The following COG3 variants were observed in gnomAD, a reference collection of about 807,000 sequenced individuals.
The protein encoded by COG3 is conserved oligomeric Golgi complex subunit 3.
A neutral mutation model predicts 114.1 loss-of-function variants in COG3; 32 were observed. The observed-to-expected ratio is 0.28, with a 90% CI of 0.21 to 0.38. The LOEUF (loss-of-function observed/expected upper bound fraction) is 0.38, where lower values mean the gene tolerates loss of function less well. COG3 is among the 10% of genes least tolerant of loss of function. The pLI, the probability that COG3 is intolerant of heterozygous loss-of-function variation, is 1.00. For missense variants in COG3, 813 were observed against 973.2 expected (o/e 0.84, Z 2.19); for synonymous variants, 352 against 365.7 (o/e 0.96, Z 0.43).
intron 14 of COG3, among the ~76,000 whole-genome samples, chr13:45,505,219 T>C (rs758560166): frequency 2.0e-5 from 3 of 151,932 alleles, no homozygotes; most frequent in African/African-American, 4.8e-5. Context: ...AAATATCTTA[T>C]TAGTAATTTT....
Position 45,528,330 on chromosome 13 carries a change from A to G in COG3, c.2231-1461A>G, listed in dbSNP as rs538427207. ...TCTTTCACCACTTTACTTTTTTAAC[A>G]AACTTGCTTTTGCTTTATACTGTGG... On this transcript the variant is annotated intron_variant, in intron 20 of 22. Coordinates refer to ENST00000349995, the MANE Select transcript of COG3 (RefSeq NM_031431.4). Among the ~76,000 whole-genome samples the G allele has an allele frequency of 2.0e-5, 3 of 152,160 alleles. No homozygotes were observed. The South Asian group carries it at 6.2e-4, about 32-fold the overall frequency.
chr13:45,497,616 T>C (rs1255533459), intron 13 of COG3, among the ~76,000 whole-genome samples: 1 of 151,948 alleles, frequency 6.6e-6, no homozygotes, highest in Non-Finnish European at 1.5e-5. Flanking sequence ...AGAAACCCCA[T>C]CTCTACTAAA....
chr13:45,500,027 T>A (rs1055414083), intron 13 of COG3, among the ~76,000 whole-genome samples: 9 of 124,228 alleles, frequency 7.2e-5, no homozygotes, highest in African/African-American at 2.2e-4. Flanking sequence ...TAAAAAAAAA[T>A]ATATATATAT....
At chr13:45,476,627 C>G (rs562522643) in intron 2 of COG3, among the ~76,000 whole-genome samples, 2 of 152,262 alleles carry the variant, frequency 1.3e-5, no homozygotes, top group South Asian at 4.1e-4. Flanking sequence ...TTGACTTCCC[C>G]CAATGTCTGT....
chr13:45,509,270 C>T (rs1870589346), intron 14 of COG3, among the ~76,000 whole-genome samples: 1 of 152,218 alleles, frequency 6.6e-6, no homozygotes, highest in South Asian at 2.1e-4. Flanking sequence ...GAACTCCTGA[C>T]CTCATGATCC....
chr13:45,533,458 G>A (rs1052199955), intron 22 of COG3, among the ~76,000 whole-genome samples: 2 of 151,884 alleles, frequency 1.3e-5, no homozygotes, highest in African/African-American at 4.8e-5. Flanking sequence ...CTGAAGCCCC[G>A]CTTTTAAATA....
intron 1 of COG3, chr13:45,465,922 A>G (rs541521080): frequency 5.9e-5 from 9 of 152,382 alleles, no homozygotes; most frequent in African/African-American, 1.2e-4. Context: ...GTGTGATTCA[A>G]TTCAATTAGT....
At chr13:45,526,432 T>C (rs974296726) in intron 20 of COG3, among the ~76,000 whole-genome samples, 1 of 152,116 alleles carries the variant, frequency 6.6e-6, no homozygotes, top group Non-Finnish European at 1.5e-5. Flanking sequence ...GAAGTTGAAC[T>C]GAGAAATTAG....
chr13:45,513,457 AATAT>A (rs1227704816), intron 16 of COG3, among the ~76,000 whole-genome samples: 14 of 81,364 alleles, frequency 1.7e-4, no homozygotes, highest in African/African-American at 9.3e-4. Context: ...TTATATATAT[AATAT>A]ATACATATAA....
chr13:45,509,165 G>C (rs910890685), intron 14 of COG3, among the ~76,000 whole-genome samples: 1 of 151,602 alleles, frequency 6.6e-6, no homozygotes, highest in Non-Finnish European at 1.5e-5. Flanking sequence ...TCAGCCTCTC[G>C]AGTAGCTGGG....
At chr13:45,510,083 G>T (rs1593729508) in intron 15 of COG3, among the ~76,000 whole-genome samples, 2 of 152,128 alleles carry the variant, frequency 1.3e-5, no homozygotes, top group East Asian at 3.8e-4. Flanking sequence ...GTGCATTCCT[G>T]AAGAGAAGAC....
chr13:45,521,160 T>C (rs551827794), intron 19 of COG3, among the ~76,000 whole-genome samples: 10 of 151,692 alleles, frequency 6.6e-5, no homozygotes, highest in African/African-American at 2.4e-4. Flanking sequence ...CTCAAAACAT[T>C]TTTTTTTTGA....
chr13:45,487,241 T>G (rs1566249193), intron 8 of COG3, among the ~76,000 whole-genome samples: 1 of 152,156 alleles, frequency 6.6e-6, no homozygotes, highest in East Asian at 1.9e-4. Context: ...TATACAAAAA[T>G]CAAAACAAAA....
At chr13:45,490,047 T>A (rs1404682432) in intron 8 of COG3, among the ~76,000 whole-genome samples, 2 of 152,194 alleles carry the variant, frequency 1.3e-5, no homozygotes, top group Admixed American at 6.5e-5. Flanking sequence ...GTAAGCTTTT[T>A]ACTCTATAAC....
intron 7 of COG3, among the ~76,000 whole-genome samples, 157 bp from the exon 8 acceptor site, chr13:45,486,338 A>AGGGAGAGTGAG (rs778425569): frequency 1.4e-5 from 1 of 70,038 alleles, no homozygotes; most frequent in Non-Finnish European, 2.6e-5. Flanking sequence ...GAGACGGGAG[A>AGGGAGAGTGAG]CGGGAGAGGG....
chr13:45,472,755 A>T (rs2137778674), intron 1 of COG3, among the ~76,000 whole-genome samples: 2 of 152,254 alleles, frequency 1.3e-5, no homozygotes, highest in East Asian at 3.9e-4. Flanking sequence ...TCTGTGTGTT[A>T]CACCAGAGCC....
intron 13 of COG3, among the ~76,000 whole-genome samples, chr13:45,499,707 A>G (rs1869241377): frequency 1.3e-5 from 2 of 152,218 alleles, no homozygotes; most frequent in South Asian, 4.1e-4. Flanking sequence ...AAATATTGAA[A>G]AACAGAATAT....
intron 6 of COG3, 50 bp downstream of exon 6, chr13:45,482,523 T>C: frequency 1.2e-6 from 1 of 865,682 alleles, no homozygotes. Flanking sequence ...AGATTCCTAT[T>C]CCTGTTCCTA....
Position 45,486,520 on chromosome 13 carries a change from A to C in COG3, c.869A>C (p.Asp290Ala). Residue 290 changes from aspartate to alanine, a missense_variant, in exon 8 of 23, where the codon GAC (aspartate) becomes GCC (alanine). Around this residue, in one of 2 missense-constraint regions of COG3, gnomAD observed 424 missense variants for 430.6 expected, o/e 0.98. Coordinates refer to ENST00000349995, the MANE Select transcript of COG3 (RefSeq NM_031431.4). ...GATCCTTCATCTGTACCTAATGCAG[A>C]CAATGCCTTCACATTATTTTATGTG... Reference protein sequence around the residue: ...KRDPSSVPNADNAFTLFYVKF... With the variant: ...KRDPSSVPNAANAFTLFYVKF... 6.2e-7 allele frequency: 1 copy of C among 1,610,484 alleles called. No homozygotes were observed. The highest frequency in any genetic ancestry group is 2.2e-5 in the East Asian group (1 of 44,864).
Sources: allele counts gnomAD v4.1 joint callset (sites outside exome capture counted in the v4.1 genomes callset), GRCh38; gene constraint gnomAD v4.1.1; regional missense constraint gnomAD v4.1.1; transcripts MANE v1.5; gene names NCBI Gene and HGNC (gene_info 2026-07-23, HGNC 2026-07-21).